The following DPYSL5 variants were observed in gnomAD, a reference collection of about 807,000 sequenced individuals.
DPYSL5 encodes the protein dihydropyrimidinase-related protein 5.
Under a neutral mutation model 58.4 loss-of-function variants are expected in DPYSL5, and 9 were observed. The observed-to-expected ratio is 0.15, with a 90% CI of 0.09 to 0.27. The LOEUF is 0.27. Ranked by LOEUF, DPYSL5 falls within the 10% of genes least tolerant of loss-of-function variation. The pLI, the probability that DPYSL5 is intolerant of heterozygous loss-of-function variation, is 1.00. For synonymous variants in DPYSL5, 293 were observed against 301.9 expected, an observed-to-expected ratio of 0.97 and a Z score of 0.31; for missense variants, 499 against 770.6, an observed-to-expected ratio of 0.65 and a Z score of 4.17.
rs1261574378 is a variant in DPYSL5, at chr2:26,947,057, C to T, written c.*62C>T. The T allele has an allele frequency of 5.6e-6, 8 of 1,432,392 alleles. No individual in the cohort carries two copies. The highest frequency in any genetic ancestry group is 1.8e-5 in the Admixed American group (1 of 54,198). 88.7% of individuals were successfully genotyped at this position (1,432,392 alleles called of 1,614,324 possible). ...CGCCACCAGCCCGCAACTCTCCAGC[C>T]GAAGCTGCAGGGGCAGGAGAGGCTG... On this transcript the variant is annotated 3_prime_UTR_variant, in exon 13 of 13. Coordinates refer to ENST00000288699, the MANE Select transcript of DPYSL5 (RefSeq NM_020134.4). The surrounding 1 kb of genome is among the most constrained non-coding windows in gnomAD (Gnocchi z 4.2).
At chr2:26,907,500 G>T (rs549700676) in intron 2 of DPYSL5, among the ~76,000 whole-genome samples, 16 of 152,076 alleles carry the variant, frequency 1.1e-4, no homozygotes, top group Non-Finnish European at 2.1e-4. Context: ...TCCCTGCAAT[G>T]GCTCCCTGTT....
At chr2:26,881,935 CA>C (rs1663575436) in intron 1 of DPYSL5, among the ~76,000 whole-genome samples, 4 of 151,640 alleles carry the variant, frequency 2.6e-5, no homozygotes, top group African/African-American at 9.7e-5. Context: ...ACTAAAAATA[CA>C]AAAAATTACC....
chr2:26,928,137 G>A lies in DPYSL5; in HGVS notation c.601-118G>A, dbSNP rs1664873268. On this transcript the variant is annotated intron_variant, in intron 4 of 12. Coordinates refer to ENST00000288699, the MANE Select transcript of DPYSL5 (RefSeq NM_020134.4). ...GACGAACACTGCAGAAGTGAGAAAA[G>A]AAGCAAGCCTATTGAAACAGGCGGT... is the stretch of plus-strand genomic sequence containing the variant. The A allele has an allele frequency of 2.8e-5, 30 of 1,087,238 alleles. No homozygotes were observed. The South Asian group carries it at 4.0e-4, about 15-fold the overall frequency. 67.3% of individuals were successfully genotyped at this position (1,087,238 alleles called of 1,614,324 possible).
At chr2:26,890,514 G>A (rs771278055) in intron 1 of DPYSL5, among the ~76,000 whole-genome samples, 5 of 152,222 alleles carry the variant, frequency 3.3e-5, no homozygotes, top group South Asian at 4.1e-4. Flanking sequence ...AGGCTGCTCC[G>A]ACAGCAGCCC....
At chr2:26,891,596 G>A (rs535286544) in intron 1 of DPYSL5, among the ~76,000 whole-genome samples, 1 of 152,304 alleles carries the variant, frequency 6.6e-6, no homozygotes, top group African/African-American at 2.4e-5. Context: ...GATGGCAGAG[G>A]GAGGAACTGA....
At chr2:26,896,666 G>A (rs1485019736) in intron 1 of DPYSL5, among the ~76,000 whole-genome samples, 1 of 152,052 alleles carries the variant, frequency 6.6e-6, no homozygotes, top group Non-Finnish European at 1.5e-5. Context: ...TAAATCTATT[G>A]GCCATTTGTA....
In DPYSL5 at chr2:26,898,845, G is replaced by C. The variant is rs918539709; in HGVS notation, c.261+85G>C. 2.7e-6 allele frequency: 4 copies of C among 1,491,388 alleles called. No individual in the cohort carries two copies. The highest frequency in any genetic ancestry group is 3.6e-6 in the Non-Finnish European group (4 of 1,109,220). 92.4% of individuals were successfully genotyped at this position (1,491,388 alleles called of 1,614,324 possible). A position where few individuals can be genotyped will look rare whatever the true frequency, so the allele number is the denominator to read the frequency against. ...GCTGCTCCAGACTAGACTCATGTGA[G>C]CCAGGTGCTCCCAGTGTATTGCTGG... On this transcript the variant is annotated intron_variant, in intron 2 of 12. Transcript: ENST00000288699. The surrounding 1 kb of genome is among the most constrained non-coding windows in gnomAD (Gnocchi z 6.1).
chr2:26,926,343 T>TA (rs1475984230), intron 3 of DPYSL5, among the ~76,000 whole-genome samples: 1 of 152,214 alleles, frequency 6.6e-6, no homozygotes, highest in Non-Finnish European at 1.5e-5. Flanking sequence ...CCTCTACCTC[T>TA]GAGCCACTCT....
chr2:26,861,645 T>C (rs954376440), intron 1 of DPYSL5, among the ~76,000 whole-genome samples: 1 of 152,202 alleles, frequency 6.6e-6, no homozygotes, highest in African/African-American at 2.4e-5. Context: ...TAGAATTGGC[T>C]TCCTCATGTA....
chr2:26,859,256 A>G (rs763234962), intron 1 of DPYSL5, among the ~76,000 whole-genome samples: 1 of 152,220 alleles, frequency 6.6e-6, no homozygotes, highest in Non-Finnish European at 1.5e-5. Flanking sequence ...TATTTTAGAT[A>G]GTACAACCAC....
At chr2:26,860,690 C>T (rs956099467) in intron 1 of DPYSL5, among the ~76,000 whole-genome samples, 4 of 152,178 alleles carry the variant, frequency 2.6e-5, no homozygotes, top group African/African-American at 9.7e-5. Flanking sequence ...GAATACCATA[C>T]AGCCATTACA....
rs1216826973 is a variant in DPYSL5 at position 26,932,128 on chromosome 2, AG to A, written c.714+445del. ...GAAAGAAAAGAAAAAAGAAAGAGAA[AG>A]AAAGAAAGAGAAAGAAAGAAAGAAA... On this transcript the variant is annotated intron_variant, in intron 6 of 12. Transcript: ENST00000288699. 1.2e-3 allele frequency among the ~76,000 whole-genome samples: 160 copies of A among 137,854 alleles called. 5 individuals carry two copies. Among genetic ancestry groups the A allele is most frequent in the African/African-American group, 3.8e-3 (122 of 32,070 alleles). The allele number at this position is 137,854 out of a possible 152,430, so 90.4% of individuals were successfully genotyped here.
chr2:26,854,813 T>C (rs1179876979), intron 1 of DPYSL5, among the ~76,000 whole-genome samples: 1 of 152,032 alleles, frequency 6.6e-6, no homozygotes, highest in African/African-American at 2.4e-5. Flanking sequence ...CTTTTTCTTT[T>C]TCTTTTTCTT....
chr2:26,949,870 G>A lies in DPYSL5; in HGVS notation c.*2875G>A, dbSNP rs1321877520. 3 of 152,582 alleles carry A rather than the reference G, an allele frequency of 2.0e-5. No individual in the cohort carries two copies. Among genetic ancestry groups the A allele is most frequent in the South Asian group, 2.1e-4 (1 of 4,842 alleles). 9.5% of individuals were successfully genotyped at this position (152,582 alleles called of 1,614,324 possible). A position where few individuals can be genotyped will look rare whatever the true frequency, so the allele number is the denominator to read the frequency against. ...AGCCCCACTGGCTCCTGGTTGGAACGAAAGGGTCTCTGGTTGCACTGAATG... is the reference window on the plus strand; with the variant it reads ...AGCCCCACTGGCTCCTGGTTGGAACAAAAGGGTCTCTGGTTGCACTGAATG... On this transcript the variant is annotated 3_prime_UTR_variant, in exon 13 of 13. Transcript: ENST00000288699.
chr2:26,880,187 A>G (rs1663521838), intron 1 of DPYSL5, among the ~76,000 whole-genome samples: 1 of 152,166 alleles, frequency 6.6e-6, no homozygotes, highest in Admixed American at 6.5e-5. Flanking sequence ...TCACTGTGCC[A>G]GGCCCATGCT....
chr2:26,884,480 A>G (rs1471689807), intron 1 of DPYSL5, among the ~76,000 whole-genome samples: 2 of 150,846 alleles, frequency 1.3e-5, no homozygotes, highest in Non-Finnish European at 3.0e-5. Flanking sequence ...TGGGAGGTGC[A>G]CGTGAACACA....
chr2:26,872,411 G>A (rs1663287164), intron 1 of DPYSL5, among the ~76,000 whole-genome samples: 2 of 152,212 alleles, frequency 1.3e-5, no homozygotes, highest in Non-Finnish European at 2.9e-5. Flanking sequence ...AAGTTAATGG[G>A]CCAGGCGCGG....
rs1301004107 is a variant in DPYSL5, at chr2:26,933,238, C to T, written c.715-20C>T. On this transcript the variant is annotated intron_variant, in intron 6 of 12. Coordinates refer to ENST00000288699, the MANE Select transcript of DPYSL5 (RefSeq NM_020134.4). The surrounding 1 kb of genome is among the most constrained non-coding windows in gnomAD (Gnocchi z 4.2). The stretch of plus-strand genomic sequence containing the variant: ...TTTATGGGTCAACCCTCCCTACTTC[C>T]CACTGTTTCTTGTGTTTAGACTCAC... 1 of 1,612,364 alleles carries T rather than the reference C, an allele frequency of 6.2e-7. No homozygotes were observed. Among genetic ancestry groups the T allele is most frequent in the Admixed American group, 1.7e-5 (1 of 59,992 alleles).
At chr2:26,859,305 T>C (rs577472182) in intron 1 of DPYSL5, among the ~76,000 whole-genome samples, 129 of 152,312 alleles carry the variant, frequency 8.5e-4, no homozygotes, top group African/African-American at 2.9e-3. Flanking sequence ...ATCACATATA[T>C]CATTTTCATA....
Sources: allele counts gnomAD v4.1 joint callset (sites outside exome capture counted in the v4.1 genomes callset), GRCh38; gene constraint gnomAD v4.1.1; non-coding constraint Gnocchi (gnomAD v3.1); transcripts MANE v1.5; gene names NCBI Gene and HGNC (gene_info 2026-07-23, HGNC 2026-07-21).